CCBE1: variants seen among roughly 807,000 people sequenced by gnomAD.
The protein encoded by CCBE1 is collagen and calcium binding EGF domains 1, also known as collagen and calcium-binding EGF domain-containing protein 1.
In CCBE1, 37 loss-of-function variants were observed where a neutral mutation model predicts 50.0. The observed-to-expected ratio is 0.74, with a 90% CI of 0.57 to 0.97. The LOEUF is 0.97. Among genes scored for constraint, CCBE1 ranks in the 50% least tolerant of loss-of-function variants. The pLI is 0.00. For synonymous variants in CCBE1, 234 were observed against 203.7 expected (o/e 1.15, Z -1.27); for missense variants, 538 against 523.8 (o/e 1.03, Z -0.26).
intron 2 of CCBE1, among the ~76,000 whole-genome samples, chr18:59,693,254 G>A (rs2144754862): frequency 6.6e-6 from 1 of 150,542 alleles, no homozygotes; most frequent in East Asian, 1.9e-4. Flanking sequence ...ACACAGGGGA[G>A]GTGATAGCAT....
intron 9 of CCBE1, among the ~76,000 whole-genome samples, chr18:59,438,373 C>T (rs768870873): frequency 6.6e-6 from 1 of 152,188 alleles, no homozygotes; most frequent in African/African-American, 2.4e-5. Flanking sequence ...TATTTTCAAA[C>T]CTTCTTGGCA....
intron 2 of CCBE1, among the ~76,000 whole-genome samples, chr18:59,670,879 C>T (rs1418545720): frequency 6.6e-6 from 1 of 152,046 alleles, no homozygotes. Flanking sequence ...GCCCGGGAGG[C>T]AGAGGTTTCA....
chr18:59,484,675 C>A lies in CCBE1; in HGVS notation c.213-4437G>T, dbSNP rs528029094. ...AGGATGGGCATGCATCATTTACATACCTGCTTAGCTAAGAATTTCCCCTTT... is the reference window on the plus strand; with the variant it reads ...AGGATGGGCATGCATCATTTACATAACTGCTTAGCTAAGAATTTCCCCTTT... On this transcript the variant is annotated intron_variant, in intron 2 of 10. Coordinates refer to ENST00000439986, the MANE Select transcript of CCBE1 (RefSeq NM_133459.4). Among the ~76,000 whole-genome samples, 10 of 152,322 alleles carry A rather than the reference C, an allele frequency of 6.6e-5. No homozygotes were observed. In the South Asian group the frequency reaches 1.7e-3, roughly 25 times the overall value.
In CCBE1 at chr18:59,480,174, T is replaced by C. The variant is rs2143770982; in HGVS notation, c.265+12A>G. 6.5e-7 allele frequency: 1 copy of C among 1,543,590 alleles called. No individual in the cohort carries two copies. The highest frequency in any genetic ancestry group is 2.3e-5 in the East Asian group (1 of 44,354). ...GAATAAAGTCAGACAATATCTTTTT[T>C]ATATTACATACCTTCTGGGATGCAT... On this transcript the variant is annotated intron_variant, in intron 3 of 10. Coordinates refer to ENST00000439986, the MANE Select transcript of CCBE1 (RefSeq NM_133459.4).
chr18:59,482,481 A>G (rs780226608), intron 2 of CCBE1, among the ~76,000 whole-genome samples: 3 of 152,206 alleles, frequency 2.0e-5, no homozygotes, highest in Non-Finnish European at 4.4e-5. Context: ...TTCTACTATA[A>G]AGATACAGGC....
At position 59,600,591 on chromosome 18, in the gene CCBE1, T is replaced by C. The variant is rs577795438; in HGVS notation, c.212+96038A>G. 5.9e-5 allele frequency among the ~76,000 whole-genome samples: 9 copies of C among 152,226 alleles called. 1 individual carries two copies. The highest frequency in any genetic ancestry group is 2.2e-4 in the African/African-American group (9 of 41,534). On this transcript the variant is annotated intron_variant, in intron 2 of 10. Transcript: ENST00000439986. ...ACAATGTAGGTTCCACTGAAGGATATGTGGGAAGATGAAGAAGAGGGTTAC... is the reference window on the plus strand; with the variant it reads ...ACAATGTAGGTTCCACTGAAGGATACGTGGGAAGATGAAGAAGAGGGTTAC...
chr18:59,623,372 AG>A (rs1254942575), intron 2 of CCBE1, among the ~76,000 whole-genome samples: 1 of 152,170 alleles, frequency 6.6e-6, no homozygotes, highest in African/African-American at 2.4e-5. Context: ...ATTGTACAAA[AG>A]GGAACTGAGG....
intron 2 of CCBE1, among the ~76,000 whole-genome samples, chr18:59,635,499 T>A (rs1031850415): frequency 6.6e-6 from 1 of 152,128 alleles, no homozygotes; most frequent in Non-Finnish European, 1.5e-5. Flanking sequence ...TTAAAAAATC[T>A]AATTTCCGGG....
At chr18:59,661,837 C>A (rs1181636040) in intron 2 of CCBE1, among the ~76,000 whole-genome samples, 6 of 151,984 alleles carry the variant, frequency 3.9e-5, no homozygotes, top group Non-Finnish European at 7.4e-5. Context: ...CACAATGCTG[C>A]GCACCTGTAA....
intron 2 of CCBE1, among the ~76,000 whole-genome samples, chr18:59,556,320 T>C (rs2052656783): frequency 1.3e-5 from 2 of 152,124 alleles, no homozygotes; most frequent in South Asian, 4.2e-4. Flanking sequence ...TGTTTTGTCT[T>C]CCAGGAGTGA....
chr18:59,691,984 TGAGTA>T (rs1292381844), intron 2 of CCBE1, among the ~76,000 whole-genome samples: 1 of 152,204 alleles, frequency 6.6e-6, no homozygotes, highest in Non-Finnish European at 1.5e-5. Context: ...CTTATGGTCA[TGAGTA>T]GAGTAGCTTG....
chr18:59,613,863 G>GTTTTTTTTTTTTTTTT (rs34847608), intron 2 of CCBE1, among the ~76,000 whole-genome samples: 6 of 98,426 alleles, frequency 6.1e-5, no homozygotes, highest in African/African-American at 2.2e-4. Flanking sequence ...TCTCTGATGG[G>GTTTTTTTTTTTTTTTT]TTTTTTTTTT....
At chr18:59,532,545 C>G (rs1361320235) in intron 2 of CCBE1, among the ~76,000 whole-genome samples, 1 of 152,312 alleles carries the variant, frequency 6.6e-6, no homozygotes, top group South Asian at 2.1e-4. Context: ...CAGGAAGAGA[C>G]AGGAATTAAC....
At chr18:59,468,984 T>A (rs572598502) in intron 4 of CCBE1, among the ~76,000 whole-genome samples, 1 of 152,190 alleles carries the variant, frequency 6.6e-6, no homozygotes, top group African/African-American at 2.4e-5. Context: ...GGATAGCCAG[T>A]TCATGAGGGT....
At chr18:59,474,073 C>A (rs1912192710) in intron 3 of CCBE1, among the ~76,000 whole-genome samples, 1 of 152,168 alleles carries the variant, frequency 6.6e-6, no homozygotes, top group Non-Finnish European at 1.5e-5. Context: ...TGATTTCATT[C>A]TTTTTTATGA....
chr18:59,543,245 C>T (rs183977799), intron 2 of CCBE1, among the ~76,000 whole-genome samples: 42 of 152,248 alleles, frequency 2.8e-4, no homozygotes, highest in South Asian at 1.0e-3. Context: ...AGGTGATCCC[C>T]GCACCATACC....
chr18:59,480,313 A>G, intron 2 of CCBE1, 75 bp from the exon 3 acceptor site: 7 of 1,151,508 alleles, frequency 6.1e-6, no homozygotes, highest in Non-Finnish European at 7.7e-6. Context: ...TGTTGTTTGA[A>G]TGAAATAACT....
intron 5 of CCBE1, among the ~76,000 whole-genome samples, chr18:59,457,431 C>T (rs1344573371): frequency 6.6e-6 from 1 of 152,182 alleles, no homozygotes; most frequent in Non-Finnish European, 1.5e-5. Flanking sequence ...ACTTGGCCTC[C>T]ACAAACCCCA....
intron 2 of CCBE1, among the ~76,000 whole-genome samples, chr18:59,497,295 G>A (rs602215): frequency 6.6e-6 from 1 of 152,210 alleles, no homozygotes; most frequent in African/African-American, 2.4e-5. Flanking sequence ...ACTGATAGAT[G>A]CCGTGGGGGA....
Sources: allele counts gnomAD v4.1 joint callset (sites outside exome capture counted in the v4.1 genomes callset), GRCh38; gene constraint gnomAD v4.1.1; transcripts MANE v1.5; gene names NCBI Gene and HGNC (gene_info 2026-07-23, HGNC 2026-07-21).